The following MYOCD variants were observed in gnomAD, a reference collection of about 807,000 sequenced individuals.
The protein encoded by MYOCD is myocardin.
In MYOCD, 32 loss-of-function variants were observed where a neutral mutation model predicts 96.1. The ratio of observed to expected loss-of-function variants is 0.33; its 90% CI spans 0.25 to 0.45. MYOCD has a LOEUF of 0.45. Among genes scored for constraint, MYOCD ranks in the 20% least tolerant of loss-of-function variants. MYOCD has a pLI of 1.00. For synonymous variants in MYOCD, 469 were observed against 469.0 expected (o/e 1.00, Z 0.00); for missense variants, 1,133 against 1,200.6 (o/e 0.94, Z 0.83).
chr17:12,669,984 C>A (rs1031242218), intron 1 of MYOCD, among the ~76,000 whole-genome samples: 2 of 152,058 alleles, frequency 1.3e-5, no homozygotes, highest in Non-Finnish European at 2.9e-5. Flanking sequence ...CAGAAAACTC[C>A]AGATGGGGTG....
At chr17:12,667,969 A>G (rs1053802843) in intron 1 of MYOCD, among the ~76,000 whole-genome samples, 13 of 152,334 alleles carry the variant, frequency 8.5e-5, no homozygotes, top group South Asian at 2.1e-4. Context: ...ATTGATAAAC[A>G]GGGAATCTGG....
chr17:12,675,390 G>A (rs1222915276), intron 1 of MYOCD, among the ~76,000 whole-genome samples: 3 of 152,016 alleles, frequency 2.0e-5, no homozygotes, highest in Non-Finnish European at 4.4e-5. Context: ...GTAAGGGAAC[G>A]ATTCATTAAA....
intron 1 of MYOCD, among the ~76,000 whole-genome samples, chr17:12,674,341 T>C (rs1567566206): frequency 6.6e-6 from 1 of 152,240 alleles, no homozygotes; most frequent in East Asian, 1.9e-4. Flanking sequence ...ATCCAATTAC[T>C]GCTATCGTCC....
chr17:12,745,143 C>T (rs2150711914), intron 8 of MYOCD, among the ~76,000 whole-genome samples: 1 of 152,320 alleles, frequency 6.6e-6, no homozygotes, highest in East Asian at 1.9e-4. Context: ...AGATTGACTC[C>T]TGAGCCCAGG....
At chr17:12,751,343 A>T in intron 9 of MYOCD, among the ~76,000 whole-genome samples, 1 of 151,888 alleles carries the variant, frequency 6.6e-6, no homozygotes, top group East Asian at 1.9e-4. Context: ...AGTCAATTCA[A>T]ACTTTGTTCA....
intron 5 of MYOCD, among the ~76,000 whole-genome samples, chr17:12,727,149 A>C (rs369964196): frequency 9.9e-5 from 15 of 152,198 alleles, no homozygotes; most frequent in South Asian, 4.1e-4. Context: ...TGTTTAACAT[A>C]GAAACAGGGA....
At chr17:12,739,668 T>C (rs941364790) in intron 7 of MYOCD, among the ~76,000 whole-genome samples, 2 of 152,194 alleles carry the variant, frequency 1.3e-5, no homozygotes, top group Non-Finnish European at 2.9e-5. Context: ...TTTCATAAAA[T>C]AGGTATGCAG....
chr17:12,683,281 A>C (rs145252143), intron 1 of MYOCD, among the ~76,000 whole-genome samples: 125 of 152,294 alleles, frequency 8.2e-4, no homozygotes, highest in African/African-American at 2.8e-3. Flanking sequence ...GAGAGACAAA[A>C]ACCATGCGGA....
At chr17:12,717,851 A>G (rs1038831026) in intron 4 of MYOCD, among the ~76,000 whole-genome samples, 2 of 152,184 alleles carry the variant, frequency 1.3e-5, no homozygotes, top group African/African-American at 4.8e-5. Flanking sequence ...TGCAGGGAAT[A>G]CAATCTGAGG....
At chr17:12,757,979 C>T (rs1188701612) in intron 11 of MYOCD, 106 bp from the exon 12 acceptor site, 7 of 832,120 alleles carry the variant, frequency 8.4e-6, no homozygotes, top group Admixed American at 6.5e-5. Flanking sequence ...TTCTTTTTTC[C>T]TCTTAGATCA....
At chr17:12,703,103 A>G (rs1181593795) in intron 1 of MYOCD, among the ~76,000 whole-genome samples, 2 of 151,658 alleles carry the variant, frequency 1.3e-5, no homozygotes, top group South Asian at 2.1e-4. Context: ...CTTCATTCCT[A>G]GAGGTCATTT....
At chr17:12,670,886 C>G (rs1167173124) in intron 1 of MYOCD, among the ~76,000 whole-genome samples, 1 of 152,162 alleles carries the variant, frequency 6.6e-6, no homozygotes, top group African/African-American at 2.4e-5. Flanking sequence ...GTTAAAGGAA[C>G]ATTTGGGGTC....
At chr17:12,724,573 C>T (rs1056690578) in intron 5 of MYOCD, among the ~76,000 whole-genome samples, 7 of 151,988 alleles carry the variant, frequency 4.6e-5, no homozygotes, top group South Asian at 2.1e-4. Flanking sequence ...TAGTCAAATC[C>T]GCTCATCTTT....
chr17:12,680,942 G>C (rs1910423890), intron 1 of MYOCD, among the ~76,000 whole-genome samples: 2 of 152,102 alleles, frequency 1.3e-5, no homozygotes, highest in African/African-American at 4.8e-5. Context: ...ACTATCTGAT[G>C]CTCACATGCC....
At chr17:12,706,013 C>T (rs572480572) in intron 2 of MYOCD, 2 of 152,124 alleles carry the variant, frequency 1.3e-5, no homozygotes, top group East Asian at 3.9e-4. Context: ...TATGTATAGC[C>T]CTATATAGTG....
intron 9 of MYOCD, among the ~76,000 whole-genome samples, chr17:12,746,650 T>G (rs187787530): frequency 6.6e-6 from 1 of 151,562 alleles, no homozygotes; most frequent in East Asian, 1.9e-4. Flanking sequence ...TAGATACACA[T>G]GCTCAGAATC....
intron 9 of MYOCD, among the ~76,000 whole-genome samples, chr17:12,749,986 A>G (rs1007204406): frequency 6.6e-6 from 1 of 151,924 alleles, no homozygotes. Flanking sequence ...AATAGCTGGG[A>G]CTACAGGCGC....
chr17:12,727,485 A>G (rs962117549), intron 5 of MYOCD, among the ~76,000 whole-genome samples: 2 of 152,110 alleles, frequency 1.3e-5, no homozygotes, highest in African/African-American at 4.8e-5. Context: ...TCTTGTGATC[A>G]TATCTTCTCC....
chr17:12,687,333 T>G (rs903889875), intron 1 of MYOCD, among the ~76,000 whole-genome samples: 3 of 152,164 alleles, frequency 2.0e-5, no homozygotes, highest in African/African-American at 7.2e-5. Flanking sequence ...TTTGATGTGT[T>G]GCTAGAAAAA....
Sources: gnomAD v4.1 joint callset for allele counts (sites outside exome capture counted in the v4.1 genomes callset) on GRCh38, gnomAD v4.1.1 for gene constraint, MANE v1.5 for transcripts, NCBI Gene and HGNC (gene_info 2026-07-23, HGNC 2026-07-21) for gene names.